Variants in DNER observed in about 807,000 individuals in gnomAD.
DNER encodes the protein delta and Notch-like epidermal growth factor-related receptor.
A neutral mutation model predicts 78.2 loss-of-function variants in DNER; 33 were observed. The observed-to-expected ratio is 0.42, with a 90% CI of 0.32 to 0.56. The LOEUF (loss-of-function observed/expected upper bound fraction) is 0.56, where lower values mean the gene tolerates loss of function less well. DNER is among the 20% of genes least tolerant of loss of function. DNER has a pLI of 0.11. For missense variants in DNER, 918 were observed against 975.3 expected (o/e 0.94, Z 0.78); for synonymous variants, 417 against 384.8 (o/e 1.08, Z -0.98).
intron 7 of DNER, among the ~76,000 whole-genome samples, chr2:229,466,429 A>G (rs10933300): frequency 0.73 from 110,396 of 152,016 alleles, 40,306 homozygotes; most frequent in South Asian, 0.83. Flanking sequence ...GTCTTCAAGT[A>G]TGTTTGAACA....
chr2:229,656,073 T>A, intron 1 of DNER, among the ~76,000 whole-genome samples: 1 of 152,130 alleles, frequency 6.6e-6, no homozygotes, highest in Non-Finnish European at 1.5e-5. Flanking sequence ...TGTAAGAGAA[T>A]ACACTTCCAT....
chr2:229,628,764 C>T (rs1421556234), intron 1 of DNER, among the ~76,000 whole-genome samples: 1 of 152,084 alleles, frequency 6.6e-6, no homozygotes, highest in Non-Finnish European at 1.5e-5. Context: ...GTCAACAGCT[C>T]GTAATCTTAC....
intron 1 of DNER, among the ~76,000 whole-genome samples, chr2:229,594,488 A>G (rs1321178896): frequency 1.3e-5 from 2 of 152,098 alleles, no homozygotes; most frequent in African/African-American, 4.8e-5. Context: ...TAGAGAGGCT[A>G]AGGCGGGAGA....
intron 1 of DNER, among the ~76,000 whole-genome samples, chr2:229,620,079 A>T (rs374156980): frequency 7.3e-5 from 11 of 150,260 alleles, no homozygotes; most frequent in African/African-American, 2.4e-4. Context: ...TGAAGCTAAC[A>T]TGGGATGCAC....
chr2:229,463,109 T>C (rs1295151996), intron 7 of DNER, among the ~76,000 whole-genome samples: 4 of 152,084 alleles, frequency 2.6e-5, no homozygotes, highest in African/African-American at 9.7e-5. Flanking sequence ...TTATCACCTG[T>C]TTCCCACCCA....
intron 4 of DNER, among the ~76,000 whole-genome samples, chr2:229,556,283 T>A (rs1490742003): frequency 6.6e-6 from 1 of 152,250 alleles, no homozygotes; most frequent in Non-Finnish European, 1.5e-5. Flanking sequence ...CACTCCAAAC[T>A]TTCAGGCAAA....
chr2:229,443,601 C>T (rs575560345), intron 8 of DNER, among the ~76,000 whole-genome samples: 67 of 152,298 alleles, frequency 4.4e-4, no homozygotes, highest in Non-Finnish European at 3.2e-4. Context: ...ATAAAACACC[C>T]GGCAAATCTG....
At chr2:229,531,256 C>T (rs1696294650) in intron 5 of DNER, among the ~76,000 whole-genome samples, 1 of 152,176 alleles carries the variant, frequency 6.6e-6, no homozygotes, top group South Asian at 2.1e-4. Flanking sequence ...TGCTCTCAAT[C>T]AACTCAACGA....
intron 1 of DNER, among the ~76,000 whole-genome samples, chr2:229,609,167 G>A (rs1239450968): frequency 6.6e-6 from 1 of 152,186 alleles, no homozygotes; most frequent in East Asian, 1.9e-4. Context: ...AGGTTGCAGT[G>A]AGCTAAGATC....
chr2:229,374,916 ATAC>A (rs1233924210), intron 11 of DNER, among the ~76,000 whole-genome samples: 4 of 152,250 alleles, frequency 2.6e-5, no homozygotes, highest in African/African-American at 9.6e-5. Context: ...GATGTAAAAC[ATAC>A]TACTTACTGT....
intron 1 of DNER, among the ~76,000 whole-genome samples, chr2:229,639,347 C>T (rs569123972): frequency 9.9e-5 from 15 of 150,982 alleles, no homozygotes; most frequent in Non-Finnish European, 1.8e-4. Context: ...CTCCACCTCC[C>T]GGGTTCAAGC....
chr2:229,677,490 G>A (rs1699316559), intron 1 of DNER, among the ~76,000 whole-genome samples: 1 of 152,240 alleles, frequency 6.6e-6, no homozygotes. Context: ...AGAAGTGAAA[G>A]AGGGAAGGAG....
At chr2:229,696,997 T>C (rs1699672223) in intron 1 of DNER, among the ~76,000 whole-genome samples, 1 of 152,146 alleles carries the variant, frequency 6.6e-6, no homozygotes, top group South Asian at 2.1e-4. Flanking sequence ...CTCTGAAGTA[T>C]ATAACCAAAA....
chr2:229,538,694 T>C (rs577336390), intron 5 of DNER, among the ~76,000 whole-genome samples: 19 of 151,718 alleles, frequency 1.3e-4, no homozygotes, highest in Middle Eastern at 3.4e-3. Flanking sequence ...ATAGGTATCA[T>C]TTTTTGTGGT....
chr2:229,390,228 T>C (rs1257449726), intron 10 of DNER, among the ~76,000 whole-genome samples: 1 of 152,240 alleles, frequency 6.6e-6, no homozygotes, highest in Non-Finnish European at 1.5e-5. Flanking sequence ...AGATGCTCTG[T>C]AACCTTTACA....
At position 229,447,341 on chromosome 2, in the gene DNER, G is replaced by A; in HGVS notation, c.1461C>T (p.Thr487=). 1 of 1,606,896 alleles carries A rather than the reference G, an allele frequency of 6.2e-7. No individual in the cohort carries two copies. Among genetic ancestry groups the A allele is most frequent in the Non-Finnish European group, 8.5e-7 (1 of 1,176,712 alleles). ...CTGGATCACAGAGGCATTTGTAGCT[G>A]GTGCCCACGCTGCGGCACGTGCCAT... is the stretch of plus-strand genomic sequence containing the variant. ...CAHGTCRSVG[T]SYKCLCDPGY... The change falls in exon 8 of 13, where the codon ACC becomes ACT. Residue 487 remains threonine (T), a synonymous_variant. Transcript: ENST00000341772.
chr2:229,526,927 T>G (rs1696222306), intron 5 of DNER, among the ~76,000 whole-genome samples: 1 of 152,186 alleles, frequency 6.6e-6, no homozygotes, highest in South Asian at 2.1e-4. Context: ...CTCATTCACG[T>G]GCACACACTG....
chr2:229,551,704 T>C (rs2059026), intron 4 of DNER, among the ~76,000 whole-genome samples: 38,008 of 150,872 alleles, frequency 0.25, 7,097 homozygotes, highest in African/African-American at 0.52. Context: ...GAGGCAGAGG[T>C]GGGCAGATCA....
intron 5 of DNER, among the ~76,000 whole-genome samples, chr2:229,523,092 GAGCAT>G (rs1250517393): frequency 6.6e-6 from 1 of 152,174 alleles, no homozygotes; most frequent in Admixed American, 6.5e-5. Context: ...GTGATGAGGG[GAGCAT>G]GATGCACTGA....
Sources: allele counts gnomAD v4.1 joint callset (sites outside exome capture counted in the v4.1 genomes callset), GRCh38; gene constraint gnomAD v4.1.1; transcripts MANE v1.5; gene names NCBI Gene and HGNC (gene_info 2026-07-23, HGNC 2026-07-21).